MACROD2: variants seen among roughly 807,000 people sequenced by gnomAD.
MACROD2 encodes mono-ADP ribosylhydrolase 2.
In MACROD2, 36 loss-of-function variants were observed where a neutral mutation model predicts 70.4. That is an observed-to-expected ratio of 0.51 (90% CI 0.39 to 0.68). MACROD2 has a LOEUF of 0.68. MACROD2 is among the 30% of genes least tolerant of loss of function. The pLI is 0.00. For synonymous variants in MACROD2, 172 were observed against 178.8 expected (o/e 0.96, Z 0.30); for missense variants, 496 against 538.4 (o/e 0.92, Z 0.78).
intron 5 of MACROD2, among the ~76,000 whole-genome samples, chr20:15,224,977 A>AG (rs1253879995): frequency 6.6e-6 from 1 of 151,686 alleles, no homozygotes; most frequent in African/African-American, 2.4e-5. Flanking sequence ...AAAAAAAAAA[A>AG]AAGTATGCTC....
chr20:16,003,074 CCACCCACCCA>C (rs1183836159), intron 15 of MACROD2, among the ~76,000 whole-genome samples: 37 of 37,666 alleles, frequency 9.8e-4, no homozygotes, highest in Admixed American at 6.5e-3. Flanking sequence ...GAAAACCCAC[CCACCCACCCA>C]CACACACACA....
intron 5 of MACROD2, among the ~76,000 whole-genome samples, chr20:15,128,049 G>GCT (rs1386198467): frequency 6.6e-6 from 1 of 152,028 alleles, no homozygotes; most frequent in Non-Finnish European, 1.5e-5. Context: ...GGCTGGATGG[G>GCT]CTCTGCTTAG....
At chr20:15,656,555 G>A (rs554899312) in intron 8 of MACROD2, among the ~76,000 whole-genome samples, 154 of 152,250 alleles carry the variant, frequency 1.0e-3, no homozygotes, top group African/African-American at 3.5e-3. Context: ...AATTAGAATC[G>A]TTTGTGCCAA....
At chr20:14,227,504 C>T (rs1247355858) in intron 3 of MACROD2, among the ~76,000 whole-genome samples, 1 of 152,110 alleles carries the variant, frequency 6.6e-6, no homozygotes, top group African/African-American at 2.4e-5. Context: ...AGCTGTAACA[C>T]TCGCCGCCAA....
At chr20:15,749,825 C>G (rs573811001) in intron 8 of MACROD2, among the ~76,000 whole-genome samples, 12 of 152,100 alleles carry the variant, frequency 7.9e-5, no homozygotes, top group African/African-American at 2.9e-4. Context: ...AGACTAGACA[C>G]CTATCTCTCG....
chr20:14,615,505 TA>T (rs1472446122), intron 4 of MACROD2, among the ~76,000 whole-genome samples: 1 of 152,070 alleles, frequency 6.6e-6, no homozygotes, highest in Non-Finnish European at 1.5e-5. Flanking sequence ...ATTTGATATT[TA>T]AGGATGGGTG....
chr20:15,368,035 A>C (rs1011627062), intron 6 of MACROD2, among the ~76,000 whole-genome samples: 1 of 152,198 alleles, frequency 6.6e-6, no homozygotes, highest in African/African-American at 2.4e-5. Context: ...GGACCATAAA[A>C]CACATTTCTC....
chr20:14,623,872 A>G (rs917744364), intron 4 of MACROD2, among the ~76,000 whole-genome samples: 3 of 152,234 alleles, frequency 2.0e-5, no homozygotes, highest in African/African-American at 4.8e-5. Context: ...GGCTTCAAGT[A>G]CATGGTTGGC....
At chr20:15,468,625 A>G (rs1022447910) in intron 7 of MACROD2, among the ~76,000 whole-genome samples, 5 of 152,224 alleles carry the variant, frequency 3.3e-5, no homozygotes, top group African/African-American at 1.2e-4. Flanking sequence ...CTTTGTGTCA[A>G]TAAGGTGAGT....
chr20:15,588,239 A>G (rs1270051154), intron 8 of MACROD2, among the ~76,000 whole-genome samples: 1 of 152,168 alleles, frequency 6.6e-6, no homozygotes, highest in Non-Finnish European at 1.5e-5. Context: ...CCTTTCAGCC[A>G]TGGCTGGAGT....
rs964404689 is a variant in MACROD2 at position 14,524,076 on chromosome 20, G to T, written c.301+30568G>T. Among the ~76,000 whole-genome samples the T allele has an allele frequency of 7.2e-5, 11 of 152,278 alleles. No homozygotes were observed. In the Middle Eastern group the frequency reaches 0.01, roughly 141 times the overall value. On this transcript the variant is annotated intron_variant, in intron 4 of 17. Coordinates refer to ENST00000684519, the MANE Select transcript of MACROD2 (RefSeq NM_001351661.2). ...GAATGTGCTTATAGGTTATAGCTAG[G>T]TTGATTATATAATTTATTATTTAAA...
intron 3 of MACROD2, among the ~76,000 whole-genome samples, chr20:14,099,368 T>C (rs2054268997): frequency 6.6e-6 from 1 of 152,190 alleles, no homozygotes; most frequent in South Asian, 2.1e-4. Context: ...ATTTACTATC[T>C]TGACTTCTAG....
intron 8 of MACROD2, among the ~76,000 whole-genome samples, chr20:15,696,869 T>C (rs1345163187): frequency 2.6e-5 from 4 of 151,886 alleles, no homozygotes; most frequent in African/African-American, 9.6e-5. Context: ...TCGAATAATC[T>C]TTTTTTATTT....
Position 15,895,729 on chromosome 20 carries a change from T to A in MACROD2, c.775+9918T>A, listed in dbSNP as rs915539653. On this transcript the variant is annotated intron_variant, in intron 10 of 17. Transcript: ENST00000684519. Reference sequence around the variant, plus strand: ...CTTACCCCAAGACAAAGGGCCTCCATCCCTTGTACAGCCTGAGTTCCACAG... The same window carrying A: ...CTTACCCCAAGACAAAGGGCCTCCAACCCTTGTACAGCCTGAGTTCCACAG... Among the ~76,000 whole-genome samples the A allele has an allele frequency of 6.6e-5, 10 of 152,136 alleles. No individual in the cohort carries two copies. The East Asian group carries it at 7.7e-4, about 12-fold the overall frequency.
At chr20:14,660,157 C>T (rs1986157942) in intron 4 of MACROD2, among the ~76,000 whole-genome samples, 1 of 152,178 alleles carries the variant, frequency 6.6e-6, no homozygotes, top group Non-Finnish European at 1.5e-5. Flanking sequence ...AGAGTTGCAT[C>T]CAGGCTTAAG....
chr20:14,595,392 C>T (rs1032031708), intron 4 of MACROD2, among the ~76,000 whole-genome samples: 1 of 152,172 alleles, frequency 6.6e-6, no homozygotes, highest in South Asian at 2.1e-4. Flanking sequence ...AGAAGAGGGG[C>T]CAGCCTCGTC....
At chr20:15,436,040 G>T (rs2046423800) in intron 7 of MACROD2, among the ~76,000 whole-genome samples, 1 of 151,960 alleles carries the variant, frequency 6.6e-6, no homozygotes, top group South Asian at 2.1e-4. Flanking sequence ...TATTGCTTTT[G>T]GTTAGTCCCC....
chr20:15,179,521 G>C (rs1028150346), intron 5 of MACROD2, among the ~76,000 whole-genome samples: 2 of 152,138 alleles, frequency 1.3e-5, no homozygotes, highest in Non-Finnish European at 1.5e-5. Context: ...TCTGGGTGCA[G>C]ACTGTTTTGC....
intron 8 of MACROD2, among the ~76,000 whole-genome samples, chr20:15,758,411 GTTTTT>G (rs35691526): frequency 2.7e-5 from 4 of 148,720 alleles, no homozygotes; most frequent in African/African-American, 5.0e-5. Flanking sequence ...GCTAATTTTT[GTTTTT>G]TTTAGTAGAC....
Sources: gnomAD v4.1 joint callset for allele counts (sites outside exome capture counted in the v4.1 genomes callset) on GRCh38, gnomAD v4.1.1 for gene constraint, MANE v1.5 for transcripts, NCBI Gene and HGNC (gene_info 2026-07-23, HGNC 2026-07-21) for gene names.